TRPM3: variants seen among roughly 807,000 people sequenced by gnomAD.
The protein encoded by TRPM3 is transient receptor potential cation channel subfamily M member 3.
A neutral mutation model predicts 181.2 loss-of-function variants in TRPM3; 77 were observed. That is an observed-to-expected ratio of 0.42 (90% confidence interval 0.35 to 0.51). The LOEUF (loss-of-function observed/expected upper bound fraction) is 0.51, where lower values mean the gene tolerates loss of function less well. Ranked by LOEUF, TRPM3 falls within the 20% of genes least tolerant of loss-of-function variation. TRPM3 has a pLI of 0.01. For synonymous variants in TRPM3, 745 were observed against 796.4 expected (o/e 0.94, Z 1.09); for missense variants, 1,759 against 2,196.7 (o/e 0.80, Z 3.98).
At chr9:71,180,890 T>C (rs1487864257) in intron 1 of TRPM3, among the ~76,000 whole-genome samples, 4 of 152,104 alleles carry the variant, frequency 2.6e-5, no homozygotes. Flanking sequence ...GCCTATTAGA[T>C]TCTCTAATTA....
chr9:70,629,220 G>GCGGGGAGGT (rs1392859607), intron 12 of TRPM3, among the ~76,000 whole-genome samples: 1 of 75,172 alleles, frequency 1.3e-5, no homozygotes, highest in Non-Finnish European at 3.0e-5. Flanking sequence ...AGTGCCGGGG[G>GCGGGGAGGT]GGGGGGGGGC....
chr9:71,281,359 G>A (rs1282640417), intron 1 of TRPM3, among the ~76,000 whole-genome samples: 1 of 152,196 alleles, frequency 6.6e-6, no homozygotes, highest in Non-Finnish European at 1.5e-5. Flanking sequence ...ACAGGATCAG[G>A]TTAGAGCTTG....
intron 1 of TRPM3, among the ~76,000 whole-genome samples, chr9:71,176,518 A>C (rs1018008432): frequency 3.9e-5 from 6 of 152,214 alleles, no homozygotes; most frequent in Non-Finnish European, 8.8e-5. Flanking sequence ...AAGTCAAACA[A>C]TTTAAAAGTT....
intron 1 of TRPM3, among the ~76,000 whole-genome samples, chr9:71,254,298 A>G (rs976960060): frequency 2.6e-5 from 4 of 152,206 alleles, no homozygotes; most frequent in Non-Finnish European, 5.9e-5. Flanking sequence ...GGAATCTAAA[A>G]ACATTGAATT....
At position 70,846,750 on chromosome 9, in the gene TRPM3, C is replaced by A. The variant is rs561676534; in HGVS notation, c.463-159G>T. On this transcript the variant is annotated intron_variant, in intron 3 of 25. Coordinates refer to ENST00000677713, the MANE Select transcript of TRPM3 (RefSeq NM_001366145.2). ...GTGATCATTTGCTTTATCAAAAGAG[C>A]CTTCATTAGACAGAGTTCATATTTT... 7.2e-4 allele frequency among the ~76,000 whole-genome samples: 110 copies of A among 152,176 alleles called. 1 individual carries two copies. Among genetic ancestry groups the A allele is most frequent in the Middle Eastern group, 3.4e-3 (1 of 294 alleles).
chr9:71,199,084 G>A (rs1315761623), intron 1 of TRPM3, among the ~76,000 whole-genome samples: 14 of 150,896 alleles, frequency 9.3e-5, no homozygotes, highest in African/African-American at 3.2e-4. Flanking sequence ...TAGCATGAAG[G>A]GTTGTTGAAT....
At chr9:71,201,221 T>C (rs1282551309) in intron 1 of TRPM3, among the ~76,000 whole-genome samples, 1 of 152,014 alleles carries the variant, frequency 6.6e-6, no homozygotes, top group Non-Finnish European at 1.5e-5. Context: ...TTCTGGCTTG[T>C]AGAGTTTCTG....
chr9:70,697,956 C>T (rs966412902), intron 8 of TRPM3, among the ~76,000 whole-genome samples: 6 of 152,104 alleles, frequency 3.9e-5, no homozygotes, highest in African/African-American at 1.2e-4. Flanking sequence ...ATCTGTAATC[C>T]CAGCACTTCG....
chr9:71,093,726 C>T (rs1188001002), intron 1 of TRPM3, among the ~76,000 whole-genome samples: 4 of 152,142 alleles, frequency 2.6e-5, no homozygotes, highest in Non-Finnish European at 1.5e-5. Context: ...ACCCAGCAAT[C>T]CCATTACTGG....
chr9:71,187,887 GATGATAGATAGATAGA>G (rs1429293742), intron 1 of TRPM3, among the ~76,000 whole-genome samples: 18 of 145,528 alleles, frequency 1.2e-4, no homozygotes, highest in African/African-American at 4.4e-4. Context: ...CAGGCAGACA[GATGATAGATAGATAGA>G]TAGATAGATA....
intron 1 of TRPM3, among the ~76,000 whole-genome samples, chr9:71,266,723 A>G (rs1458157973): frequency 1.3e-5 from 2 of 152,182 alleles, no homozygotes; most frequent in Non-Finnish European, 2.9e-5. Context: ...GAGCTTATCC[A>G]TCTGGCTTAA....
chr9:71,305,261 C>G (rs894566813), intron 1 of TRPM3, among the ~76,000 whole-genome samples: 3 of 152,272 alleles, frequency 2.0e-5, no homozygotes, highest in Non-Finnish European at 4.4e-5. Flanking sequence ...GCTGTAAAAG[C>G]AGAGGAAAGC....
At chr9:71,145,749 A>G (rs931663806) in intron 1 of TRPM3, among the ~76,000 whole-genome samples, 2 of 152,174 alleles carry the variant, frequency 1.3e-5, no homozygotes, top group African/African-American at 4.8e-5. Flanking sequence ...TAAATTCCAG[A>G]CTAAAGTTTT....
At chr9:70,547,637 T>C (rs867564552) in intron 25 of TRPM3, among the ~76,000 whole-genome samples, 4 of 152,112 alleles carry the variant, frequency 2.6e-5, no homozygotes. Flanking sequence ...CTTAGGTTTG[T>C]TTCTCTGGCA....
intron 22 of TRPM3, among the ~76,000 whole-genome samples, chr9:70,586,479 T>C (rs1486326123): frequency 6.6e-6 from 1 of 152,218 alleles, no homozygotes; most frequent in Non-Finnish European, 1.5e-5. Flanking sequence ...GGGTATTCTC[T>C]ATAACGTGAG....
intron 1 of TRPM3, among the ~76,000 whole-genome samples, chr9:71,394,716 C>G (rs963450582): frequency 1.3e-5 from 2 of 152,192 alleles, no homozygotes; most frequent in African/African-American, 4.8e-5. Context: ...AAAGTTTTCC[C>G]TGGTTGACTA....
chr9:71,045,562 G>C (rs2059336923), intron 1 of TRPM3, among the ~76,000 whole-genome samples: 1 of 152,142 alleles, frequency 6.6e-6, no homozygotes, highest in African/African-American at 2.4e-5. Flanking sequence ...TTGCTTATGA[G>C]ATGGTTGATG....
At chr9:71,342,230 G>T (rs2091009281) in intron 1 of TRPM3, among the ~76,000 whole-genome samples, 1 of 136,124 alleles carries the variant, frequency 7.3e-6, no homozygotes, top group African/African-American at 2.6e-5. Context: ...TTATGGAGAA[G>T]AAATTGGTGA....
chr9:71,048,598 G>A (rs76760379), intron 1 of TRPM3, among the ~76,000 whole-genome samples: 2,077 of 152,262 alleles, frequency 0.014, 37 homozygotes, highest in African/African-American at 0.048. Flanking sequence ...TAGGCACTTT[G>A]TTTATTGCTC....
Sources: gnomAD v4.1 joint callset for allele counts (sites outside exome capture counted in the v4.1 genomes callset) on GRCh38, gnomAD v4.1.1 for gene constraint, MANE v1.5 for transcripts, NCBI Gene and HGNC (gene_info 2026-07-23, HGNC 2026-07-21) for gene names.